PAPPA2: variants seen among roughly 807,000 people sequenced by gnomAD.
The protein encoded by PAPPA2 is pappalysin-2.
In PAPPA2, 86 loss-of-function variants were observed where a neutral mutation model predicts 176.4. The ratio of observed to expected loss-of-function variants is 0.49; its 90% CI spans 0.41 to 0.58. The LOEUF (loss-of-function observed/expected upper bound fraction) is 0.58, where lower values mean the gene tolerates loss of function less well. PAPPA2 is among the 20% of genes least tolerant of loss of function. The pLI, the probability that PAPPA2 is intolerant of heterozygous loss-of-function variation, is 0.00. For synonymous variants in PAPPA2, 809 were observed against 852.2 expected (o/e 0.95, Z 0.88); for missense variants, 2,073 against 2,256.9 (o/e 0.92, Z 1.65).
chr1:176,651,165 C>T (rs943978158), intron 3 of PAPPA2, among the ~76,000 whole-genome samples: 8 of 151,572 alleles, frequency 5.3e-5, no homozygotes, highest in Non-Finnish European at 8.9e-5. Flanking sequence ...ATTGATTGCA[C>T]ACCACAATTA....
At chr1:176,653,645 C>T (rs1446657274) in intron 3 of PAPPA2, among the ~76,000 whole-genome samples, 1 of 151,666 alleles carries the variant, frequency 6.6e-6, no homozygotes, top group Non-Finnish European at 1.5e-5. Context: ...TGCATGCTGA[C>T]TGATCTTTCC....
intron 21 of PAPPA2, among the ~76,000 whole-genome samples, chr1:176,805,633 T>C (rs528216856): frequency 1.2e-4 from 18 of 152,282 alleles, no homozygotes; most frequent in African/African-American, 4.1e-4. Flanking sequence ...GCAGTGATAC[T>C]GCCTAAGGAA....
At chr1:176,817,835 G>A (rs1477239334) in intron 21 of PAPPA2, among the ~76,000 whole-genome samples, 1 of 152,114 alleles carries the variant, frequency 6.6e-6, no homozygotes, top group Non-Finnish European at 1.5e-5. Flanking sequence ...ATAAAAATCT[G>A]GATTTCAGAA....
rs1553205942 is a variant in PAPPA2, at chr1:176,796,616, T to TTTTCTTTTC, written c.5130+2954_5130+2955insTCTTTCTTT. Among the ~76,000 whole-genome samples, 485 of 116,484 alleles carry TTTTCTTTTC rather than the reference T, an allele frequency of 4.2e-3. 1 individual carries two copies. The highest frequency in any genetic ancestry group is 0.011 in the Admixed American group (147 of 13,110). 76.4% of individuals were successfully genotyped at this position (116,484 alleles called of 152,430 possible). ...TTTCTCTTTCTTTTCTTTTCTTTTC[T>TTTTCTTTTC]TTTCTTTCTTTCTTTTTCTTTCTTT... On this transcript the variant is annotated intron_variant, in intron 20 of 22. Coordinates refer to ENST00000367662, the MANE Select transcript of PAPPA2 (RefSeq NM_020318.3).
intron 1 of PAPPA2, among the ~76,000 whole-genome samples, chr1:176,466,166 A>G (rs1358101498): frequency 1.3e-5 from 2 of 152,182 alleles, no homozygotes; most frequent in Admixed American, 1.3e-4. Flanking sequence ...TAAAAACTTC[A>G]TATAGAAGCT....
chr1:176,646,761 A>G (rs901689809), intron 3 of PAPPA2, among the ~76,000 whole-genome samples: 1 of 151,534 alleles, frequency 6.6e-6, no homozygotes, highest in Non-Finnish European at 1.5e-5. Flanking sequence ...TTATGGCTGA[A>G]TAGTACTCCA....
At chr1:176,559,530 A>T (rs778463308) in intron 2 of PAPPA2, among the ~76,000 whole-genome samples, 49 of 152,318 alleles carry the variant, frequency 3.2e-4, no homozygotes, top group Non-Finnish European at 5.9e-4. Flanking sequence ...TTAGCTGCTT[A>T]CACTTCACCT....
chr1:176,712,317 C>G (rs898311875), intron 12 of PAPPA2, among the ~76,000 whole-genome samples: 1 of 152,104 alleles, frequency 6.6e-6, no homozygotes, highest in Admixed American at 6.6e-5. Context: ...TCACTGCCCC[C>G]CCTCCAAGGC....
intron 3 of PAPPA2, among the ~76,000 whole-genome samples, chr1:176,611,993 A>G (rs1654952575): frequency 1.3e-5 from 2 of 152,236 alleles, no homozygotes; most frequent in Non-Finnish European, 1.5e-5. Flanking sequence ...GGTGCTAGTT[A>G]CAACATACCT....
chr1:176,706,322 G>T, intron 9 of PAPPA2, 37 bp from the exon 10 acceptor site: 1 of 1,552,332 alleles, frequency 6.4e-7, no homozygotes, highest in Non-Finnish European at 8.9e-7. Flanking sequence ...AAATTTGTGT[G>T]TATGTGTTAT....
At chr1:176,626,114 T>A (rs1655995780) in intron 3 of PAPPA2, among the ~76,000 whole-genome samples, 3 of 152,298 alleles carry the variant, frequency 2.0e-5, no homozygotes, top group Non-Finnish European at 1.5e-5. Context: ...ATTACAAAGT[T>A]CACACCACCA....
At chr1:176,697,723 C>A (rs1660451030) in intron 7 of PAPPA2, among the ~76,000 whole-genome samples, 2 of 152,264 alleles carry the variant, frequency 1.3e-5, no homozygotes, top group South Asian at 4.2e-4. Flanking sequence ...TTATGTTCCT[C>A]CACTTGTCTT....
At chr1:176,793,509 G>C in intron 19 of PAPPA2, 51 bp from the exon 20 acceptor site, 1 of 1,453,790 alleles carries the variant, frequency 6.9e-7, no homozygotes, top group Non-Finnish European at 9.6e-7. Flanking sequence ...GAAAGAAAAA[G>C]AATGAGATCT....
chr1:176,802,695 A>G (rs1404784493), intron 21 of PAPPA2, among the ~76,000 whole-genome samples: 1 of 152,176 alleles, frequency 6.6e-6, no homozygotes, highest in African/African-American at 2.4e-5. Flanking sequence ...TTAGCCTTGT[A>G]AGGGTGGAGT....
At chr1:176,754,576 A>G (rs192080021) in intron 14 of PAPPA2, among the ~76,000 whole-genome samples, 1 of 152,368 alleles carries the variant, frequency 6.6e-6, no homozygotes, top group Non-Finnish European at 1.5e-5. Flanking sequence ...AATAAGCCCC[A>G]TGGCCCTGCT....
At chr1:176,762,860 T>G (rs1161330881) in intron 14 of PAPPA2, among the ~76,000 whole-genome samples, 2 of 152,210 alleles carry the variant, frequency 1.3e-5, no homozygotes, top group Non-Finnish European at 2.9e-5. Context: ...TAATGGATAC[T>G]TCATCATCTC....
At chr1:176,742,877 C>A (rs1393889782) in intron 14 of PAPPA2, among the ~76,000 whole-genome samples, 2 of 152,116 alleles carry the variant, frequency 1.3e-5, no homozygotes, top group Non-Finnish European at 2.9e-5. Flanking sequence ...CTGACAGATG[C>A]CTGCCAGTAG....
intron 9 of PAPPA2, among the ~76,000 whole-genome samples, chr1:176,703,544 A>AT (rs1660753968): frequency 6.6e-6 from 1 of 152,144 alleles, no homozygotes; most frequent in African/African-American, 2.4e-5. Flanking sequence ...TTTGTCTTAG[A>AT]TTTTGCATCC....
At chr1:176,560,909 G>A (rs1651629954) in intron 2 of PAPPA2, among the ~76,000 whole-genome samples, 1 of 152,208 alleles carries the variant, frequency 6.6e-6, no homozygotes. Flanking sequence ...GGCAGAATTG[G>A]AGCCTGAGCC....
Sources: allele counts gnomAD v4.1 joint callset (sites outside exome capture counted in the v4.1 genomes callset), GRCh38; gene constraint gnomAD v4.1.1; transcripts MANE v1.5; gene names NCBI Gene and HGNC (gene_info 2026-07-23, HGNC 2026-07-21).